AKR1C1: variants seen among roughly 807,000 people sequenced by gnomAD.
AKR1C1 encodes 20 alpha-hydroxysteroid dehydrogenase.
AKR1C1 carries 32 observed loss-of-function variants against 40.6 expected under a neutral mutation model. That is an observed-to-expected ratio of 0.79 (90% CI 0.60 to 1.06). AKR1C1 has a LOEUF of 1.06. AKR1C1 is among the 50% of genes least tolerant of loss of function. AKR1C1 has a pLI of 0.00. For missense variants in AKR1C1, 320 were observed against 363.5 expected (o/e 0.88, Z 0.97); for synonymous variants, 105 against 134.2 (o/e 0.78, Z 1.50).
intron 5 of AKR1C1, among the ~76,000 whole-genome samples, chr10:4,971,505 TTA>T (rs373079128): frequency 0.026 from 2,806 of 108,882 alleles, 22 homozygotes; most frequent in South Asian, 0.052. Flanking sequence ...CATATATATA[TTA>T]TATATATATA....
rs569395802 is a variant in AKR1C1, at chr10:4,982,999, G to A, written c.*5257G>A. The stretch of plus-strand genomic sequence containing the variant: ...ACAGCCAGGGAGTCTCAGAGTCTAC[G>A]TCACTCCCCTGCCACCTCAATCAGA... On this transcript the variant is annotated 3_prime_UTR_variant, in exon 9 of 9. Transcript: ENST00000380872. 6.7e-4 allele frequency: 293 copies of A among 439,364 alleles called. 5 individuals carry two copies. The highest frequency in any genetic ancestry group is 4.0e-3 in the South Asian group (245 of 61,854). The allele number at this position is 439,364 out of a possible 1,614,324, so 27.2% of individuals were successfully genotyped here. A position where few individuals can be genotyped will look rare whatever the true frequency, so the allele number is the denominator to read the frequency against.
chr10:4,969,869 C>T, intron 5 of AKR1C1: 1 of 778,680 alleles, frequency 1.3e-6, no homozygotes, highest in Non-Finnish European at 2.0e-6. Flanking sequence ...AGTGGAAATA[C>T]ATATGTATAA....
chr10:4,981,283 A>G lies in AKR1C1; in HGVS notation c.*3541A>G, dbSNP rs1836610516. The G allele has an allele frequency of 6.6e-6, 1 of 152,256 alleles. No homozygotes were observed. The highest frequency in any genetic ancestry group is 2.4e-5 in the African/African-American group (1 of 41,468). The allele number at this position is 152,256 out of a possible 1,614,324, so 9.4% of individuals were successfully genotyped here. The stretch of plus-strand genomic sequence containing the variant: ...GACCCTAGGATTGTTAGAATAGTAA[A>G]TGAACATCATATGTTGTAATATAGT... On this transcript the variant is annotated 3_prime_UTR_variant, in exon 9 of 9. Coordinates refer to ENST00000380872, the MANE Select transcript of AKR1C1 (RefSeq NM_001353.6).
Position 4,968,849 on chromosome 10 carries a change from T to G in AKR1C1, c.475T>G (p.Leu159Val). The change falls in exon 5 of 9, where the codon TTG (leucine) becomes GTG (valine). Residue 159 changes from leucine to valine, a missense_variant. Transcript: ENST00000380872. ...CGTGGAGAAGTGTAAAGATGCAGGATTGGCCAAGTCCATCGGGGTGTCCAA... is the reference window on the plus strand; with the variant it reads ...CGTGGAGAAGTGTAAAGATGCAGGAGTGGCCAAGTCCATCGGGGTGTCCAA... The part of the protein sequence containing the change: ...EAVEKCKDAG[L>V]AKSIGVSNFN... 1.2e-6 allele frequency: 2 copies of G among 1,614,194 alleles called. No individual in the cohort carries two copies. The highest frequency in any genetic ancestry group is 1.7e-6 in the Non-Finnish European group (2 of 1,180,044).
At chr10:4,973,899 A>G (rs1836480530) in intron 7 of AKR1C1, among the ~76,000 whole-genome samples, 1 of 92,584 alleles carries the variant, frequency 1.1e-5, no homozygotes, top group African/African-American at 4.3e-5. Flanking sequence ...AATTAGTTAT[A>G]TACAGATATA....
intron 5 of AKR1C1, among the ~76,000 whole-genome samples, chr10:4,970,703 C>A (rs1331687919): frequency 6.6e-6 from 1 of 151,210 alleles, no homozygotes; most frequent in Non-Finnish European, 1.5e-5. Flanking sequence ...AGTAAACTAT[C>A]GCAAGAACAA....
intron 5 of AKR1C1, chr10:4,969,836 A>G (rs184993268): frequency 3.3e-6 from 4 of 1,223,750 alleles, no homozygotes; most frequent in African/African-American, 3.0e-5. Flanking sequence ...TTTAAAACTT[A>G]GAGTCAATCA....
intron 5 of AKR1C1, among the ~76,000 whole-genome samples, chr10:4,969,178 T>A (rs370236299): frequency 6.6e-6 from 1 of 152,178 alleles, no homozygotes. Context: ...GGGAGGTCAA[T>A]TCAATCAAGG....
rs1345515976 is a variant in AKR1C1, at chr10:4,968,293, AC to A, written c.370-15del. On this transcript the variant is annotated splice_polypyrimidine_tract_variant and intron_variant, in intron 3 of 8. Coordinates refer to ENST00000380872, the MANE Select transcript of AKR1C1 (RefSeq NM_001353.6). ...ATTGACTTGTGACATCACTAAACTG[AC>A]TGCTTCTACTTCAGCCAGGTGAGGA... 6.7e-7 allele frequency: 1 copy of A among 1,495,334 alleles called. No individual in the cohort carries two copies. Among genetic ancestry groups the A allele is most frequent in the African/African-American group, 1.4e-5 (1 of 71,508 alleles). 92.6% of individuals were successfully genotyped at this position (1,495,334 alleles called of 1,614,324 possible).
chr10:4,974,115 T>C (rs1315305799), intron 7 of AKR1C1, among the ~76,000 whole-genome samples: 1 of 151,600 alleles, frequency 6.6e-6, no homozygotes, highest in African/African-American at 2.4e-5. Flanking sequence ...TAATGGCATT[T>C]ACTATATTAT....
rs575034166 is a variant in AKR1C1, at chr10:4,963,423, G to A, written c.-22G>A. 149 of 1,613,762 alleles carry A rather than the reference G, an allele frequency of 9.2e-5. 1 individual carries two copies. In the South Asian group the frequency reaches 1.0e-3, roughly 11 times the overall value. Reference sequence around the variant, plus strand: ...GTGAGGGAGGAAGAAAGAAACATTTGCCAGCCAGGCTAGTGACAGAAATGG... The same window carrying A: ...GTGAGGGAGGAAGAAAGAAACATTTACCAGCCAGGCTAGTGACAGAAATGG... On this transcript the variant is annotated 5_prime_UTR_variant, in exon 1 of 9. Transcript: ENST00000380872.
intron 4 of AKR1C1, among the ~76,000 whole-genome samples, 170 bp from the exon 5 acceptor site, chr10:4,968,652 A>G (rs1836367508): frequency 6.6e-6 from 1 of 152,208 alleles, no homozygotes; most frequent in Non-Finnish European, 1.5e-5. Flanking sequence ...AGGAAACAGA[A>G]ATACTTACTC....
At chr10:4,967,088 C>A (rs368665027) in intron 3 of AKR1C1, 45 bp downstream of exon 3, 1 of 1,560,590 alleles carries the variant, frequency 6.4e-7, no homozygotes, top group East Asian at 2.2e-5. Context: ...TTGTTCTCAG[C>A]ATAAATATTG....
intron 7 of AKR1C1, among the ~76,000 whole-genome samples, chr10:4,974,808 T>C (rs1438569969): frequency 6.6e-6 from 1 of 152,100 alleles, no homozygotes; most frequent in Non-Finnish European, 1.5e-5. Flanking sequence ...AAAAAGTAAG[T>C]TTCACTTCCA....
intron 1 of AKR1C1, among the ~76,000 whole-genome samples, chr10:4,965,230 G>A (rs1000884837): frequency 3.3e-5 from 5 of 152,136 alleles, no homozygotes; most frequent in African/African-American, 1.2e-4. Context: ...TTCCTTCCAT[G>A]TGGCTATTTC....
chr10:4,982,458 T>C lies in AKR1C1; in HGVS notation c.*4716T>C, dbSNP rs12248217. ...CCACTCCCTTTTTTGAACTCTTCTG[T>C]GCAGCAGAGGCAATTAAACTCTCCT... On this transcript the variant is annotated 3_prime_UTR_variant, in exon 9 of 9. Coordinates refer to ENST00000380872, the MANE Select transcript of AKR1C1 (RefSeq NM_001353.6). The C allele has an allele frequency of 0.032, 4,943 of 152,552 alleles. 272 individuals are homozygous for C. Among genetic ancestry groups the C allele is most frequent in the African/African-American group, 0.12 (4,724 of 40,806 alleles). 9.4% of individuals were successfully genotyped at this position (152,552 alleles called of 1,614,324 possible).
In AKR1C1 at chr10:4,968,884, C is replaced by T. The variant is rs139163484; in HGVS notation, c.510C>T (p.Arg170=). The T allele has an allele frequency of 1.2e-4, 197 of 1,614,178 alleles. No individual in the cohort carries two copies. The African/African-American group carries it at 2.2e-3, about 18-fold the overall frequency. The change falls in exon 5 of 9, where the codon CGC becomes CGT. Residue 170 remains arginine (R), a synonymous_variant. Transcript: ENST00000380872. ...AKSIGVSNFN[R]RQLEMILNKP... Reference sequence around the variant, plus strand: ...CCATCGGGGTGTCCAACTTCAACCGCAGGCAGCTGGAGATGATCCTCAACA... The same window carrying T: ...CCATCGGGGTGTCCAACTTCAACCGTAGGCAGCTGGAGATGATCCTCAACA...
intron 2 of AKR1C1, 101 bp downstream of exon 2, chr10:4,966,182 T>A: frequency 6.7e-7 from 1 of 1,503,232 alleles, no homozygotes; most frequent in African/African-American, 1.4e-5. Flanking sequence ...GAATTGTGCT[T>A]ATTTATTACG....
At chr10:4,973,838 C>T (rs1292629905) in intron 7 of AKR1C1, among the ~76,000 whole-genome samples, 1 of 151,520 alleles carries the variant, frequency 6.6e-6, no homozygotes, top group Non-Finnish European at 1.5e-5. Flanking sequence ...AAGAATACAT[C>T]CAAGTCTCTA....
Sources: gnomAD v4.1 joint callset for allele counts (sites outside exome capture counted in the v4.1 genomes callset) on GRCh38, gnomAD v4.1.1 for gene constraint, MANE v1.5 for transcripts, NCBI Gene and HGNC (gene_info 2026-07-23, HGNC 2026-07-21) for gene names.